The following CA10 variants were observed in gnomAD, a reference collection of about 807,000 sequenced individuals.
The protein encoded by CA10 is carbonic anhydrase 10 (inactive), also known as carbonic anhydrase-related protein 10.
A neutral mutation model predicts 44.2 loss-of-function variants in CA10; 14 were observed. The ratio of observed to expected loss-of-function variants is 0.32; its 90% CI spans 0.21 to 0.50. The LOEUF (loss-of-function observed/expected upper bound fraction) is 0.50. Ranked by LOEUF, CA10 falls within the 20% of genes least tolerant of loss-of-function variation. The pLI, the probability that CA10 is intolerant of heterozygous loss-of-function variation, is 0.99. For synonymous variants in CA10, 159 were observed against 141.6 expected, an observed-to-expected ratio of 1.12 and a Z score of -0.87; for missense variants, 350 against 409.7, an observed-to-expected ratio of 0.85 and a Z score of 1.26.
intron 4 of CA10, among the ~76,000 whole-genome samples, chr17:51,692,843 C>T (rs1394828714): frequency 6.6e-6 from 1 of 152,210 alleles, no homozygotes; most frequent in African/African-American, 2.4e-5. Context: ...CCAGTTTCAA[C>T]TGGCCGTGAC....
At chr17:51,989,902 C>G (rs1909923) in intron 2 of CA10, among the ~76,000 whole-genome samples, 2 of 152,068 alleles carry the variant, frequency 1.3e-5, no homozygotes, top group East Asian at 1.9e-4. Flanking sequence ...CTGGTTACTG[C>G]GTGCTAATGC....
intron 2 of CA10, among the ~76,000 whole-genome samples, chr17:52,058,909 AGC>A (rs1987301961): frequency 2.0e-5 from 3 of 152,152 alleles, no homozygotes; most frequent in African/African-American, 4.8e-5. Context: ...TAAGATCAGG[AGC>A]TGTCATTTAT....
intron 4 of CA10, among the ~76,000 whole-genome samples, chr17:51,731,772 G>A (rs1477837212): frequency 6.6e-6 from 1 of 151,656 alleles, no homozygotes; most frequent in East Asian, 1.9e-4. Flanking sequence ...CCACCTCCTG[G>A]ATTCAAGCAA....
chr17:52,012,297 G>A (rs1170282239), intron 2 of CA10, among the ~76,000 whole-genome samples: 1 of 151,846 alleles, frequency 6.6e-6, no homozygotes, highest in East Asian at 1.9e-4. Flanking sequence ...CTGAAATTTG[G>A]AGACACTGAG....
intron 3 of CA10, among the ~76,000 whole-genome samples, chr17:51,831,692 A>AGCGGCAGCG (rs1567854568): frequency 5.0e-4 from 40 of 79,864 alleles, no homozygotes; most frequent in South Asian, 1.7e-3. Flanking sequence ...CAGCAGCAGC[A>AGCGGCAGCG]GCAGCAGCAG....
At chr17:51,981,240 A>G (rs1303931411) in intron 2 of CA10, among the ~76,000 whole-genome samples, 1 of 152,064 alleles carries the variant, frequency 6.6e-6, no homozygotes, top group Non-Finnish European at 1.5e-5. Context: ...TAGTATCTTT[A>G]TTGATCATAA....
At chr17:51,805,910 T>C (rs562570651) in intron 3 of CA10, among the ~76,000 whole-genome samples, 2 of 152,306 alleles carry the variant, frequency 1.3e-5, no homozygotes, top group East Asian at 3.9e-4. Context: ...GTGGTGAAGT[T>C]AGATCTGAAG....
chr17:51,822,443 A>AACAAAAACAAAAACAAAT, intron 3 of CA10, among the ~76,000 whole-genome samples: 1 of 152,078 alleles, frequency 6.6e-6, no homozygotes, highest in African/African-American at 2.4e-5. Flanking sequence ...CAAAAACAAA[A>AACAAAAACAAAAACAAAT]ACAAAAAAAC....
At position 52,125,137 on chromosome 17, in the gene CA10, C is replaced by T. The variant is rs955504072; in HGVS notation, c.61+32589G>A. 2.3e-4 allele frequency among the ~76,000 whole-genome samples: 35 copies of T among 152,202 alleles called. 1 individual carries two copies. Among genetic ancestry groups the T allele is most frequent in the African/African-American group, 8.0e-4 (33 of 41,442 alleles). ...TTGGTGTTTGTGAGGTCTTAGCTGA[C>T]GTGTCACATTCTTCTGGAAGCCCGC... On this transcript the variant is annotated intron_variant, in intron 1 of 8. Transcript: ENST00000451037.
intron 2 of CA10, among the ~76,000 whole-genome samples, chr17:51,964,180 T>C (rs569150631): frequency 7.9e-5 from 12 of 151,986 alleles, no homozygotes; most frequent in Admixed American, 3.3e-4. Flanking sequence ...GGGCATCAAA[T>C]AATGAAAAAA....
intron 4 of CA10, among the ~76,000 whole-genome samples, chr17:51,734,755 G>A (rs183070221): frequency 1.3e-4 from 20 of 152,318 alleles, no homozygotes; most frequent in Admixed American, 2.6e-4. Context: ...GGGCTTGACT[G>A]TCTTCTGCAG....
At chr17:51,786,053 T>A (rs913256291) in intron 3 of CA10, among the ~76,000 whole-genome samples, 3 of 152,226 alleles carry the variant, frequency 2.0e-5, no homozygotes, top group Admixed American at 6.5e-5. Context: ...AATTCCTAGG[T>A]ATTTAATTTT....
At chr17:51,692,349 C>T (rs899748558) in intron 4 of CA10, among the ~76,000 whole-genome samples, 22 of 149,052 alleles carry the variant, frequency 1.5e-4, no homozygotes, top group Admixed American at 1.2e-3. Context: ...TATCTACCTA[C>T]CTATCTACCT....
intron 2 of CA10, among the ~76,000 whole-genome samples, chr17:52,019,375 T>C (rs1986066330): frequency 3.9e-5 from 6 of 152,108 alleles, no homozygotes. Flanking sequence ...AACATGTTAA[T>C]GTTTCTCTGT....
chr17:51,849,053 C>T (rs1978622085), intron 3 of CA10, among the ~76,000 whole-genome samples: 1 of 150,262 alleles, frequency 6.7e-6, no homozygotes. Flanking sequence ...GACTGTCTAT[C>T]TCTGTCTCTC....
chr17:52,122,692 T>C lies in CA10; in HGVS notation c.61+35034A>G, dbSNP rs564618355. Among the ~76,000 whole-genome samples, 76 of 152,292 alleles carry C rather than the reference T, an allele frequency of 5.0e-4. 2 individuals are homozygous for C. The South Asian group carries it at 0.015, about 31-fold the overall frequency. ...CTTAAAAAATCAGAGGCCCCGGAAT[T>C]AGTACAAGTGGAATGGAGGGCAGAT... On this transcript the variant is annotated intron_variant, in intron 1 of 8. Coordinates refer to ENST00000451037, the MANE Select transcript of CA10 (RefSeq NM_020178.5).
At chr17:51,763,402 G>C (rs1205223236) in intron 3 of CA10, 1 of 152,166 alleles carries the variant, frequency 6.6e-6, no homozygotes, top group Admixed American at 6.5e-5. Context: ...AAAGTATTGA[G>C]TGGTTCTGAA....
intron 4 of CA10, among the ~76,000 whole-genome samples, chr17:51,661,313 A>C (rs1351091900): frequency 6.6e-6 from 1 of 152,334 alleles, no homozygotes. Flanking sequence ...AGAGAGAACA[A>C]GGCGCTTGGC....
chr17:51,954,874 T>C (rs1270136556), intron 2 of CA10, among the ~76,000 whole-genome samples: 6 of 152,200 alleles, frequency 3.9e-5, no homozygotes, highest in Non-Finnish European at 8.8e-5. Context: ...GAGGCTTCTT[T>C]CTATAGAGAC....
Sources: allele counts gnomAD v4.1 joint callset (sites outside exome capture counted in the v4.1 genomes callset), GRCh38; gene constraint gnomAD v4.1.1; transcripts MANE v1.5; gene names NCBI Gene and HGNC (gene_info 2026-07-23, HGNC 2026-07-21).